Variants in DEFA3 observed in about 807,000 individuals in gnomAD.
The protein encoded by DEFA3 is defensin alpha 3, also known as neutrophil defensin 3.
For missense variants in DEFA3, 8 were observed against 128.1 expected, an observed-to-expected ratio of 0.06 and a Z score of 4.53; for synonymous variants, 3 against 47.2, an observed-to-expected ratio of 0.06 and a Z score of 3.84.
At chr8:7,018,047 A>G (rs1459768693) in intron 1 of DEFA3, among the ~76,000 whole-genome samples, 175 bp downstream of exon 1, 3 of 150,728 alleles carry the variant, frequency 2.0e-5, no homozygotes, top group East Asian at 2.0e-4. Flanking sequence ...GAGTTTCTCT[A>G]TTAAGTTAGC....
chr8:7,016,295 T>G (rs1267823640), intron 2 of DEFA3, among the ~76,000 whole-genome samples, 196 bp from the exon 3 acceptor site: 4 of 152,128 alleles, frequency 2.6e-5, no homozygotes, highest in Admixed American at 2.6e-4. Flanking sequence ...TCTCCTTTGC[T>G]CTCATTTTTG....
chr8:7,017,899 T>C (rs1236695665), intron 1 of DEFA3, among the ~76,000 whole-genome samples: 3 of 152,226 alleles, frequency 2.0e-5, no homozygotes, highest in African/African-American at 7.2e-5. Flanking sequence ...AACAACTCAA[T>C]AGCAAAAATC....
chr8:7,016,464 A>G (rs1230690966), intron 2 of DEFA3, among the ~76,000 whole-genome samples: 1 of 146,546 alleles, frequency 6.8e-6, no homozygotes, highest in Non-Finnish European at 1.5e-5. Flanking sequence ...AACTTAGTGA[A>G]TTTCACAGAT....
At chr8:7,016,326 C>G (rs1289262174) in intron 2 of DEFA3, among the ~76,000 whole-genome samples, 1 of 151,892 alleles carries the variant, frequency 6.6e-6, no homozygotes. Context: ...CCATCACACA[C>G]ACACCTGAAC....
At chr8:7,017,952 T>G (rs1811046853) in intron 1 of DEFA3, among the ~76,000 whole-genome samples, 1 of 152,150 alleles carries the variant, frequency 6.6e-6, no homozygotes, top group Non-Finnish European at 1.5e-5. Flanking sequence ...TAAATAGGTT[T>G]CTCTCAAAAG....
At chr8:7,017,917 C>G (rs1173734150) in intron 1 of DEFA3, among the ~76,000 whole-genome samples, 1 of 152,226 alleles carries the variant, frequency 6.6e-6, no homozygotes, top group Non-Finnish European at 1.5e-5. Flanking sequence ...ATCAAACAAC[C>G]TGATTGAAAG....
chr8:7,017,898 A>G (rs903820577), intron 1 of DEFA3, among the ~76,000 whole-genome samples: 1 of 152,258 alleles, frequency 6.6e-6, no homozygotes, highest in African/African-American at 2.4e-5. Context: ...CAACAACTCA[A>G]TAGCAAAAAT....
rs551380675 is a variant in DEFA3 at position 7,016,063 on chromosome 8, G to C, written c.212C>G (p.Pro71Arg). ...RKNMDCYCRI[P>R]ACIAGERRYG... ...GCGACGTTCTCCTGCAATGCACGCT[G>C]GTATTCTGCAATAGCAGTCCATGTT... Residue 71 changes from proline to arginine, a missense_variant, in exon 3 of 3, where the codon CCA (proline) becomes CGA (arginine). Transcript: ENST00000327857. The C allele has an allele frequency of 6.8e-7, 1 of 1,467,432 alleles. No homozygotes were observed. Among genetic ancestry groups the C allele is most frequent in the Non-Finnish European group, 9.4e-7 (1 of 1,069,370 alleles). The allele number at this position is 1,467,432 out of a possible 1,614,324, so 90.9% of individuals were successfully genotyped here.
chr8:7,017,916 C>G (rs1002131406), intron 1 of DEFA3, among the ~76,000 whole-genome samples: 1 of 152,252 alleles, frequency 6.6e-6, no homozygotes, highest in African/African-American at 2.4e-5. Flanking sequence ...AATCAAACAA[C>G]CTGATTGAAA....
intron 1 of DEFA3, among the ~76,000 whole-genome samples, chr8:7,017,809 G>T (rs1212919520): frequency 6.6e-6 from 1 of 152,058 alleles, no homozygotes; most frequent in Admixed American, 6.6e-5. Flanking sequence ...CGAGTGAAAA[G>T]ATAACCCAGA....
At chr8:7,017,119 G>A (rs1258285573) in intron 1 of DEFA3, among the ~76,000 whole-genome samples, 2 of 125,782 alleles carry the variant, frequency 1.6e-5, no homozygotes, top group East Asian at 4.1e-4. Context: ...ACCCTGCTAT[G>A]TTACTCGTGG....
At position 7,015,903 on chromosome 8, in the gene DEFA3, G is replaced by C. The variant is rs1012835687; in HGVS notation, c.*87C>G. The C allele has an allele frequency of 1.4e-5, 17 of 1,173,036 alleles. No homozygotes were observed. The African/African-American group carries it at 2.8e-4, about 19-fold the overall frequency. The allele number at this position is 1,173,036 out of a possible 1,614,324, so 72.7% of individuals were successfully genotyped here. On this transcript the variant is annotated 3_prime_UTR_variant, in exon 3 of 3. Transcript: ENST00000327857. ...AAGGCATTTATTTGAGATGAGGAAA[G>C]GAAATTGAGCAGAAGGTACAGGAGT...
chr8:7,016,330 C>A (rs1810969141), intron 2 of DEFA3, among the ~76,000 whole-genome samples: 1 of 151,898 alleles, frequency 6.6e-6, no homozygotes, highest in South Asian at 2.1e-4. Context: ...CACACACACA[C>A]CTGAACATAC....
intron 2 of DEFA3, among the ~76,000 whole-genome samples, chr8:7,016,469 A>G (rs868499598): frequency 1.4e-5 from 2 of 146,604 alleles, no homozygotes; most frequent in East Asian, 3.9e-4. Flanking sequence ...AGTGAATTTC[A>G]CAGATGTTTC....
intron 1 of DEFA3, among the ~76,000 whole-genome samples, 185 bp downstream of exon 1, chr8:7,018,037 G>C (rs1426346748): frequency 6.6e-6 from 1 of 150,720 alleles, no homozygotes; most frequent in Admixed American, 6.6e-5. Flanking sequence ...GAAACTGCTT[G>C]AGTTTCTCTA....
intron 2 of DEFA3, among the ~76,000 whole-genome samples, chr8:7,016,376 G>GCAGA (rs1810971208): frequency 1.1e-5 from 1 of 93,318 alleles, no homozygotes; most frequent in Non-Finnish European, 2.0e-5. Context: ...AAGCTCTTCT[G>GCAGA]TAGAGTAAAA....
At chr8:7,016,486 T>A (rs1375036118) in intron 2 of DEFA3, among the ~76,000 whole-genome samples, 190 bp downstream of exon 2, 2 of 147,988 alleles carry the variant, frequency 1.4e-5, no homozygotes, top group Non-Finnish European at 3.0e-5. Context: ...TTTCTTGGAA[T>A]CAAGTCTTTG....
intron 2 of DEFA3, among the ~76,000 whole-genome samples, chr8:7,016,475 G>A (rs1459540986): frequency 6.8e-6 from 1 of 147,580 alleles, no homozygotes; most frequent in African/African-American, 2.6e-5. Context: ...TTTCACAGAT[G>A]TTTCTTGGAA....
Position 7,018,233 on chromosome 8 carries a change from C to G in DEFA3, c.-24G>C, listed in dbSNP as rs1463434708. On this transcript the variant is annotated 5_prime_UTR_variant, in exon 1 of 3. Coordinates refer to ENST00000327857, the MANE Select transcript of DEFA3 (RefSeq NM_005217.4). ...TTTGTAGTACTTACAGATCCTCTAG[C>G]TAGGCAGGGTGACCAGAGAGGGCAG... is the stretch of plus-strand genomic sequence containing the variant. The G allele has an allele frequency of 6.7e-6, 1 of 149,744 alleles. No individual in the cohort carries two copies. The highest frequency in any genetic ancestry group is 2.5e-5 in the African/African-American group (1 of 40,368). 9.3% of individuals were successfully genotyped at this position (149,744 alleles called of 1,614,324 possible).
Sources: gnomAD v4.1 joint callset for allele counts (sites outside exome capture counted in the v4.1 genomes callset) on GRCh38, gnomAD v4.1.1 for gene constraint, MANE v1.5 for transcripts, NCBI Gene and HGNC (gene_info 2026-07-23, HGNC 2026-07-21) for gene names.